The following RFX7 variants were observed in gnomAD, a reference collection of about 807,000 sequenced individuals.
The protein encoded by RFX7 is DNA-binding protein RFX7.
RFX7 carries 26 observed loss-of-function variants against 111.8 expected under a neutral mutation model. That is an observed-to-expected ratio of 0.23 (90% confidence interval 0.17 to 0.32). RFX7 has a LOEUF of 0.32. RFX7 is among the 10% of genes least tolerant of loss of function. RFX7 has a pLI of 1.00. For synonymous variants in RFX7, 624 were observed against 624.4 expected, an observed-to-expected ratio of 1.00 and a Z score of 0.01; for missense variants, 1,573 against 1,772.9, an observed-to-expected ratio of 0.89 and a Z score of 2.02.
intron 5 of RFX7, among the ~76,000 whole-genome samples, chr15:56,121,254 T>A (rs894912094): frequency 6.6e-6 from 1 of 152,238 alleles, no homozygotes; most frequent in Admixed American, 6.5e-5. Context: ...TCACTGGGTA[T>A]ACTATTCTAG....
rs1402929946 is a variant in RFX7, at chr15:56,089,166, T to G, written c.*4179A>C. ...AATTGGCCTTAGGATGAGCCTTTGT[T>G]TAATACAATGAGACTAACAGTGTGT... is the stretch of plus-strand genomic sequence containing the variant. On this transcript the variant is annotated 3_prime_UTR_variant, in exon 10 of 10. Transcript: ENST00000559447. The G allele has an allele frequency of 1.3e-5, 2 of 152,366 alleles. No individual in the cohort carries two copies. Among genetic ancestry groups the G allele is most frequent in the Admixed American group, 1.3e-4 (2 of 15,288 alleles). The allele number at this position is 152,366 out of a possible 1,614,324, so 9.4% of individuals were successfully genotyped here.
chr15:56,109,450 C>G (rs1324220042), intron 5 of RFX7, among the ~76,000 whole-genome samples: 1 of 152,238 alleles, frequency 6.6e-6, no homozygotes, highest in East Asian at 1.9e-4. Context: ...GAGATTGCAG[C>G]CTCTGCCTGG....
At chr15:56,161,283 C>T (rs1340342968) in intron 3 of RFX7, among the ~76,000 whole-genome samples, 1 of 151,990 alleles carries the variant, frequency 6.6e-6, no homozygotes, top group Non-Finnish European at 1.5e-5. Context: ...AAAAAATTCC[C>T]TTTGAACTTC....
At chr15:56,118,955 A>T (rs2042042324) in intron 5 of RFX7, among the ~76,000 whole-genome samples, 1 of 152,206 alleles carries the variant, frequency 6.6e-6, no homozygotes, top group Non-Finnish European at 1.5e-5. Context: ...GATGTTGAGT[A>T]CCTTTTCACA....
intron 2 of RFX7, among the ~76,000 whole-genome samples, chr15:56,219,876 T>C (rs2043405621): frequency 6.6e-6 from 1 of 152,226 alleles, no homozygotes; most frequent in African/African-American, 2.4e-5. Flanking sequence ...TCTTTGGGTA[T>C]ATACCCAATA....
chr15:56,138,713 A>G (rs1343675489), intron 5 of RFX7, among the ~76,000 whole-genome samples: 1 of 152,116 alleles, frequency 6.6e-6, no homozygotes, highest in Non-Finnish European at 1.5e-5. Flanking sequence ...CCTAGTCTTG[A>G]TGGTCTTTAC....
chr15:56,188,325 G>T (rs2043063471), intron 2 of RFX7, among the ~76,000 whole-genome samples: 1 of 152,082 alleles, frequency 6.6e-6, no homozygotes, highest in South Asian at 2.1e-4. Flanking sequence ...ATATCAAGTG[G>T]TCTAACTATG....
intron 5 of RFX7, among the ~76,000 whole-genome samples, chr15:56,141,678 C>CATATAT (rs1567024637): frequency 3.8e-5 from 2 of 52,576 alleles, no homozygotes; most frequent in African/African-American, 1.1e-4. Context: ...TATATATATG[C>CATATAT]ATATATGCTG....
intron 3 of RFX7, among the ~76,000 whole-genome samples, chr15:56,165,078 A>G (rs1182146198): frequency 6.6e-6 from 1 of 152,198 alleles, no homozygotes; most frequent in Non-Finnish European, 1.5e-5. Context: ...AGGCACGTAT[A>G]ACCTAGATCC....
At chr15:56,204,239 G>A (rs971463109) in intron 2 of RFX7, among the ~76,000 whole-genome samples, 13 of 151,800 alleles carry the variant, frequency 8.6e-5, no homozygotes, top group Admixed American at 2.6e-4. Flanking sequence ...GGCTGGTCTC[G>A]AACTCCTGGC....
intron 9 of RFX7, among the ~76,000 whole-genome samples, chr15:56,097,695 C>T (rs532111731): frequency 8.7e-5 from 11 of 126,250 alleles, no homozygotes; most frequent in African/African-American, 2.7e-4. Context: ...TGCAGTGAGC[C>T]GAGATCACAG....
intron 2 of RFX7, among the ~76,000 whole-genome samples, chr15:56,193,530 T>C (rs1280592913): frequency 6.6e-6 from 1 of 152,174 alleles, no homozygotes. Flanking sequence ...TTTACAAAAA[T>C]TTTAATTAAA....
Position 56,228,788 on chromosome 15 carries a change from C to T in RFX7, c.161+14337G>A, listed in dbSNP as rs1017981482. 6.6e-5 allele frequency among the ~76,000 whole-genome samples: 10 copies of T among 152,198 alleles called. No individual in the cohort carries two copies. In the East Asian group the frequency reaches 1.9e-3, roughly 29 times the overall value. ...GTCCCCCCTCATTCTCGAGGGATAT[C>T]TTCCAGTACCCCCAGTGGATGCCTG... On this transcript the variant is annotated intron_variant, in intron 2 of 9. Transcript: ENST00000559447.
chr15:56,231,768 T>C (rs1269318532), intron 2 of RFX7, among the ~76,000 whole-genome samples: 1 of 152,120 alleles, frequency 6.6e-6, no homozygotes, highest in Non-Finnish European at 1.5e-5. Flanking sequence ...GCAAATCCCT[T>C]CCACCTATGA....
intron 2 of RFX7, among the ~76,000 whole-genome samples, chr15:56,239,727 T>G (rs1408648886): frequency 6.6e-6 from 1 of 152,164 alleles, no homozygotes; most frequent in East Asian, 1.9e-4. Flanking sequence ...CCTGTATCTA[T>G]GTTACAGCCT....
chr15:56,222,962 G>A (rs2043442450), intron 2 of RFX7, among the ~76,000 whole-genome samples: 2 of 152,116 alleles, frequency 1.3e-5, no homozygotes, highest in South Asian at 2.1e-4. Context: ...GTTTAACCTA[G>A]TATTTTTAAA....
Position 56,095,340 on chromosome 15 carries a change from A to G in RFX7, c.2388T>C (p.Cys796=), listed in dbSNP as rs761670661. Residue 796 remains cysteine (C), a synonymous_variant, in exon 10 of 10, where the codon TGT becomes TGC. Transcript: ENST00000559447. The part of the protein sequence containing the change: ...TKDSEFISAS[C]EQQQDISVMT... Reference sequence around the variant, plus strand: ...TAACACTGATATCTTGCTGTTGTTCACAACTGGCAGATATAAACTCAGAAT... The same window carrying G: ...TAACACTGATATCTTGCTGTTGTTCGCAACTGGCAGATATAAACTCAGAAT... 1.9e-6 allele frequency: 3 copies of G among 1,613,918 alleles called. No individual in the cohort carries two copies. The highest frequency in any genetic ancestry group is 2.5e-6 in the Non-Finnish European group (3 of 1,179,860).
intron 2 of RFX7, among the ~76,000 whole-genome samples, chr15:56,218,462 T>C (rs1206665903): frequency 1.3e-5 from 2 of 152,160 alleles, no homozygotes; most frequent in Non-Finnish European, 2.9e-5. Flanking sequence ...TAGAAGAATG[T>C]ATGCAGTTAC....
intron 5 of RFX7, among the ~76,000 whole-genome samples, chr15:56,121,408 A>C (rs2042077360): frequency 6.6e-6 from 1 of 152,030 alleles, no homozygotes; most frequent in Non-Finnish European, 1.5e-5. Flanking sequence ...TGCTTTTAGG[A>C]TCTTTCTTTA....
Sources: gnomAD v4.1 joint callset for allele counts (sites outside exome capture counted in the v4.1 genomes callset) on GRCh38, gnomAD v4.1.1 for gene constraint, MANE v1.5 for transcripts, NCBI Gene and HGNC (gene_info 2026-07-23, HGNC 2026-07-21) for gene names.